Variants in C12orf42 observed in about 807,000 individuals in gnomAD.
C12orf42 encodes uncharacterized protein C12orf42.
Under a neutral mutation model 21.6 loss-of-function variants are expected in C12orf42, and 25 were observed. The observed-to-expected ratio is 1.16, with a 90% CI of 0.84 to 1.62. The LOEUF is 1.62. C12orf42 is among the 40% of genes most tolerant of loss of function. The pLI is 0.00. For synonymous variants in C12orf42, 174 were observed against 175.0 expected (o/e 0.99, Z 0.05); for missense variants, 483 against 459.3 (o/e 1.05, Z -0.47).
At chr12:103,311,970 C>T (rs941942541) in intron 4 of C12orf42, among the ~76,000 whole-genome samples, 5 of 152,210 alleles carry the variant, frequency 3.3e-5, no homozygotes, top group Non-Finnish European at 7.3e-5. Context: ...TATACTAGAG[C>T]TATAAAATCG....
chr12:103,259,687 A>G (rs2034795774), intron 10 of C12orf42, among the ~76,000 whole-genome samples: 1 of 152,200 alleles, frequency 6.6e-6, no homozygotes, highest in East Asian at 1.9e-4. Flanking sequence ...GGGAAATGTC[A>G]ATGTCGGTGT....
chr12:103,072,022 C>A, the C12orf42 span, among the ~76,000 whole-genome samples: 2 of 152,128 alleles, frequency 1.3e-5, no homozygotes, highest in African/African-American at 4.8e-5. Context: ...TCTGTTCCTG[C>A]TAACATCTAG....
At chr12:103,501,372 G>T in the C12orf42 span, among the ~76,000 whole-genome samples, 1 of 152,226 alleles carries the variant, frequency 6.6e-6, no homozygotes, top group Admixed American at 6.5e-5. Context: ...TCTTTCCTCT[G>T]TTCCTAGACA....
At chr12:103,555,937 T>A in the C12orf42 span, among the ~76,000 whole-genome samples, 1 of 151,830 alleles carries the variant, frequency 6.6e-6, no homozygotes, top group Non-Finnish European at 1.5e-5. Context: ...GCAGCTCCTA[T>A]CAGCTTGGGA....
chr12:103,483,652 TTTTC>T (rs1424881524), intron 1 of C12orf42, among the ~76,000 whole-genome samples: 1 of 152,086 alleles, frequency 6.6e-6, no homozygotes. Flanking sequence ...TTTTTTTTAT[TTTTC>T]TTTTTTTTCT....
At chr12:103,361,029 C>T (rs778710793) in intron 4 of C12orf42, among the ~76,000 whole-genome samples, 2 of 152,062 alleles carry the variant, frequency 1.3e-5, no homozygotes, top group Non-Finnish European at 1.5e-5. Context: ...GGAGGCAGGA[C>T]AAGATTGCAG....
chr12:103,440,271 G>C (rs1333413772), intron 2 of C12orf42, among the ~76,000 whole-genome samples: 4 of 110,280 alleles, frequency 3.6e-5, no homozygotes, highest in East Asian at 3.0e-4. Context: ...GGTCGGGGGA[G>C]GGGGGAGGGA....
At chr12:103,350,769 G>A (rs904581004) in intron 4 of C12orf42, among the ~76,000 whole-genome samples, 2 of 152,052 alleles carry the variant, frequency 1.3e-5, no homozygotes, top group Non-Finnish European at 2.9e-5. Flanking sequence ...CCTTGATAAT[G>A]TTCTTTTCTC....
chr12:103,519,849 A>C, the C12orf42 span, among the ~76,000 whole-genome samples: 1 of 152,162 alleles, frequency 6.6e-6, no homozygotes, highest in East Asian at 1.9e-4. Flanking sequence ...GAGGCTGAAA[A>C]GGTCATGGAT....
At chr12:103,476,554 A>G (rs1411655054) in intron 2 of C12orf42, among the ~76,000 whole-genome samples, 1 of 152,218 alleles carries the variant, frequency 6.6e-6, no homozygotes, top group East Asian at 1.9e-4. Flanking sequence ...AGGCCAAAGG[A>G]TTGTGCTTGG....
intron 10 of C12orf42, among the ~76,000 whole-genome samples, chr12:103,239,656 G>A (rs1289158532): frequency 6.6e-6 from 1 of 152,214 alleles, no homozygotes; most frequent in Non-Finnish European, 1.5e-5. Flanking sequence ...AGTTCCCCAT[G>A]AGTCAGGTAT....
the C12orf42 span, among the ~76,000 whole-genome samples, chr12:103,220,183 A>T: frequency 6.6e-6 from 1 of 152,134 alleles, no homozygotes; most frequent in Non-Finnish European, 1.5e-5. Context: ...CGCCACACGT[A>T]CTCACTCATA....
the C12orf42 span, among the ~76,000 whole-genome samples, chr12:103,203,285 T>C: frequency 4.6e-5 from 7 of 152,206 alleles, no homozygotes; most frequent in African/African-American, 9.6e-5. Context: ...CGTGATTTCA[T>C]AGGGCATGTT....
downstream of C12orf42, among the ~76,000 whole-genome samples, chr12:103,298,875 G>A (rs2037473309): frequency 6.6e-6 from 1 of 152,136 alleles, no homozygotes; most frequent in Admixed American, 6.5e-5. Flanking sequence ...CAGGGATAAT[G>A]TTGCTTCAAA....
chr12:103,313,819 T>A (rs1037220683), intron 4 of C12orf42, among the ~76,000 whole-genome samples: 1 of 152,212 alleles, frequency 6.6e-6, no homozygotes, highest in Non-Finnish European at 1.5e-5. Context: ...AGCTTATACA[T>A]TTCTTCATTC....
the C12orf42 span, among the ~76,000 whole-genome samples, chr12:103,228,119 T>C: frequency 3.3e-5 from 5 of 152,108 alleles, no homozygotes; most frequent in Non-Finnish European, 5.9e-5. Flanking sequence ...TGTGCGTCCG[T>C]GTGAAGAGAC....
intron 10 of C12orf42, among the ~76,000 whole-genome samples, chr12:103,262,867 A>G (rs2034967317): frequency 6.6e-6 from 1 of 152,234 alleles, no homozygotes; most frequent in Non-Finnish European, 1.5e-5. Context: ...TGTTTATTGC[A>G]GCACTATTCA....
chr12:103,494,885 G>C (rs1026502162), intron 1 of C12orf42, among the ~76,000 whole-genome samples: 1 of 152,174 alleles, frequency 6.6e-6, no homozygotes, highest in African/African-American at 2.4e-5. Context: ...TTTCCCGGGA[G>C]GGGGCAGCAC....
the C12orf42 span, among the ~76,000 whole-genome samples, chr12:103,548,357 GT>G: frequency 6.6e-6 from 1 of 152,146 alleles, no homozygotes; most frequent in Non-Finnish European, 1.5e-5. Flanking sequence ...TATTTGCTCA[GT>G]TTTTATATTT....
Sources: gnomAD v4.1 joint callset for allele counts (sites outside exome capture counted in the v4.1 genomes callset) on GRCh38, gnomAD v4.1.1 for gene constraint, MANE v1.5 for transcripts, NCBI Gene and HGNC (gene_info 2026-07-23, HGNC 2026-07-21) for gene names.